ADGRL2: variants seen among roughly 807,000 people sequenced by gnomAD.
ADGRL2 encodes the protein calcium-independent alpha-latrotoxin receptor 2.
In ADGRL2, 44 loss-of-function variants were observed where a neutral mutation model predicts 157.4. The observed-to-expected ratio is 0.28, with a 90% confidence interval of 0.22 to 0.36. ADGRL2 has a LOEUF of 0.36. Among genes scored for constraint, ADGRL2 ranks in the 10% least tolerant of loss-of-function variants. The pLI is 1.00. For missense variants in ADGRL2, 1,510 were observed against 1,768.9 expected, an observed-to-expected ratio of 0.85 and a Z score of 2.63; for synonymous variants, 585 against 624.7, an observed-to-expected ratio of 0.94 and a Z score of 0.95.
chr1:81,434,865 A>G (rs1326948417), intron 1 of ADGRL2, among the ~76,000 whole-genome samples: 3 of 152,152 alleles, frequency 2.0e-5, no homozygotes, highest in Non-Finnish European at 2.9e-5. Context: ...TTGCTGTGTG[A>G]CATGAAAAGT....
chr1:81,370,093 C>T (rs537938869), intron 1 of ADGRL2, among the ~76,000 whole-genome samples: 14 of 152,056 alleles, frequency 9.2e-5, no homozygotes, highest in African/African-American at 3.4e-4. Flanking sequence ...CTTTATTCTA[C>T]AGTGAAACAA....
At chr1:81,660,362 A>G (rs1405837013) in intron 3 of ADGRL2, among the ~76,000 whole-genome samples, 1 of 151,952 alleles carries the variant, frequency 6.6e-6, no homozygotes, top group Non-Finnish European at 1.5e-5. Context: ...TCCCTTTGTG[A>G]CCCAAGACAA....
intron 2 of ADGRL2, among the ~76,000 whole-genome samples, chr1:81,764,932 T>C (rs943087094): frequency 1.3e-5 from 2 of 152,108 alleles, no homozygotes; most frequent in South Asian, 4.1e-4. Flanking sequence ...ATTTCATTCA[T>C]TTGTAAAATT....
Position 81,429,075 on chromosome 1 carries a change from A to T in ADGRL2, c.-301-15961A>T, listed in dbSNP as rs183524080. Among the ~76,000 whole-genome samples the T allele has an allele frequency of 2.7e-3, 406 of 152,216 alleles. 2 individuals are homozygous for T. Among genetic ancestry groups the T allele is most frequent in the African/African-American group, 9.4e-3 (389 of 41,546 alleles). ...TCCCATATAGCATAAGAAATTTGAA[A>T]TTCTCACTTTTGAAACCTACTATCT... On this transcript the variant is annotated intron_variant, in intron 1 of 24. Coordinates refer to the ADGRL2 transcript ENST00000370721.
At chr1:81,513,731 T>A (rs2079121270) in intron 2 of ADGRL2, 1 of 152,130 alleles carries the variant, frequency 6.6e-6, no homozygotes, top group African/African-American at 2.4e-5. Context: ...TCTAAACCAA[T>A]TGGTTCTAAA....
chr1:81,843,924 GA>G (rs2092692810), intron 2 of ADGRL2, among the ~76,000 whole-genome samples: 1 of 151,646 alleles, frequency 6.6e-6, no homozygotes, highest in Admixed American at 6.6e-5. Context: ...TTCATTTGTG[GA>G]AAAACTTTGT....
intron 2 of ADGRL2, among the ~76,000 whole-genome samples, chr1:81,850,413 C>T (rs557089652): frequency 2.6e-5 from 4 of 151,954 alleles, no homozygotes; most frequent in Admixed American, 6.6e-5. Flanking sequence ...TTCATTATTT[C>T]CTTTAAGCTA....
At chr1:81,369,886 T>C (rs1179494045) in intron 1 of ADGRL2, among the ~76,000 whole-genome samples, 1 of 152,198 alleles carries the variant, frequency 6.6e-6, no homozygotes, top group Non-Finnish European at 1.5e-5. Context: ...TCACTAAGCT[T>C]TTTGGAACTG....
At chr1:81,671,484 C>T (rs1030415482) in intron 3 of ADGRL2, among the ~76,000 whole-genome samples, 1 of 151,602 alleles carries the variant, frequency 6.6e-6, no homozygotes, top group African/African-American at 2.4e-5. Context: ...ACTCAGTCTG[C>T]AGGTCTGGGA....
intron 2 of ADGRL2, among the ~76,000 whole-genome samples, chr1:81,847,841 C>T (rs2092850912): frequency 4.6e-5 from 7 of 151,734 alleles, no homozygotes; most frequent in Admixed American, 4.6e-4. Context: ...GTATGTTTGT[C>T]TTATTTAGAA....
At chr1:81,464,041 A>G (rs1557708343) in intron 2 of ADGRL2, among the ~76,000 whole-genome samples, 1 of 152,170 alleles carries the variant, frequency 6.6e-6, no homozygotes, top group African/African-American at 2.4e-5. Context: ...AAGGAAATGA[A>G]TTGCATACAT....
At chr1:81,920,800 A>G (rs1039272564) in intron 3 of ADGRL2, among the ~76,000 whole-genome samples, 3 of 151,984 alleles carry the variant, frequency 2.0e-5, no homozygotes, top group Non-Finnish European at 4.4e-5. Flanking sequence ...TATCCAACCA[A>G]AGAAAAGTGC....
intron 1 of ADGRL2, among the ~76,000 whole-genome samples, chr1:81,803,120 A>G (rs551821458): frequency 4.0e-5 from 6 of 151,534 alleles, no homozygotes; most frequent in Non-Finnish European, 7.4e-5. Flanking sequence ...GAGCCTCGGG[A>G]GCTTGGTTTG....
chr1:81,816,103 C>T (rs1286778651), intron 1 of ADGRL2, among the ~76,000 whole-genome samples: 1 of 151,722 alleles, frequency 6.6e-6, no homozygotes, highest in Non-Finnish European at 1.5e-5. Flanking sequence ...AGATTACATA[C>T]ACTAATGGCC....
chr1:81,937,367 T>C (rs888653064), intron 4 of ADGRL2, among the ~76,000 whole-genome samples: 1 of 150,040 alleles, frequency 6.7e-6, no homozygotes, highest in East Asian at 1.9e-4. Context: ...ATAAAATAGA[T>C]ATAATATAAC....
chr1:81,976,926 A>G (rs1393650333), intron 17 of ADGRL2, among the ~76,000 whole-genome samples: 1 of 151,930 alleles, frequency 6.6e-6, no homozygotes, highest in Non-Finnish European at 1.5e-5. Context: ...TCTTCAATTC[A>G]TTCATCTCTG....
intron 2 of ADGRL2, among the ~76,000 whole-genome samples, chr1:81,902,270 A>G (rs559878723): frequency 1.3e-5 from 2 of 152,234 alleles, no homozygotes; most frequent in South Asian, 4.1e-4. Flanking sequence ...GTATTAAGAG[A>G]GAATAGATTG....
chr1:81,590,385 A>G (rs2081108874), intron 3 of ADGRL2, among the ~76,000 whole-genome samples: 2 of 152,028 alleles, frequency 1.3e-5, no homozygotes, highest in Non-Finnish European at 2.9e-5. Flanking sequence ...ATAGCTTAGG[A>G]CAGTTCCCAC....
chr1:81,520,980 A>G lies in ADGRL2; in HGVS notation c.-247-59896A>G, dbSNP rs563259779. Among the ~76,000 whole-genome samples, 18 of 152,326 alleles carry G rather than the reference A, an allele frequency of 1.2e-4. No individual in the cohort carries two copies. In the South Asian group the frequency reaches 3.1e-3, roughly 26 times the overall value. ...GCCAACAGAAAGGAGGAAGGAGCAA[A>G]GAAGAACATGTGCCCTAACTTTTAA... is the stretch of plus-strand genomic sequence containing the variant. On this transcript the variant is annotated intron_variant, in intron 2 of 24. Coordinates refer to the ADGRL2 transcript ENST00000370721.
Sources: gnomAD v4.1 joint callset for allele counts (sites outside exome capture counted in the v4.1 genomes callset) on GRCh38, gnomAD v4.1.1 for gene constraint, MANE v1.5 for transcripts, NCBI Gene and HGNC (gene_info 2026-07-23, HGNC 2026-07-21) for gene names.